Variants in AGMAT observed in about 807,000 individuals in gnomAD.
AGMAT encodes agmatinase (putative).
In AGMAT, 37 loss-of-function variants were observed where a neutral mutation model predicts 29.3. The observed-to-expected ratio is 1.26, with a 90% CI of 0.97 to 1.66. AGMAT has a LOEUF of 1.66. Ranked by LOEUF, AGMAT falls within the 40% of genes most tolerant of loss-of-function variation. AGMAT has a pLI of 0.00. For synonymous variants in AGMAT, 199 were observed against 200.8 expected, an observed-to-expected ratio of 0.99 and a Z score of 0.08; for missense variants, 498 against 497.8, an observed-to-expected ratio of 1.00 and a Z score of 0.00.
At chr1:15,578,056 T>C (rs1639063092) in intron 4 of AGMAT, among the ~76,000 whole-genome samples, 192 bp from the exon 5 acceptor site, 1 of 152,150 alleles carries the variant, frequency 6.6e-6, no homozygotes, top group Non-Finnish European at 1.5e-5. Flanking sequence ...AGCTGACTGA[T>C]GGAGTTGGAA....
At chr1:15,573,982 A>G (rs1367285248) in intron 6 of AGMAT, among the ~76,000 whole-genome samples, 1 of 152,220 alleles carries the variant, frequency 6.6e-6, no homozygotes, top group African/African-American at 2.4e-5. Context: ...AGGAGAACCT[A>G]TAATAATGAT....
intron 1 of AGMAT, 36 bp downstream of exon 1, chr1:15,584,657 CCCT>C: frequency 7.8e-7 from 1 of 1,277,032 alleles, no homozygotes; most frequent in Non-Finnish European, 9.9e-7. Flanking sequence ...AGCAAGCAGT[CCCT>C]CCACGTGTAC....
intron 4 of AGMAT, 47 bp downstream of exon 4, chr1:15,578,812 A>C (rs1471343810): frequency 6.3e-7 from 1 of 1,596,488 alleles, no homozygotes; most frequent in Admixed American, 1.7e-5. Context: ...GGCAACGGAG[A>C]GGAAGACATT....
chr1:15,574,703 C>G, intron 6 of AGMAT, 54 bp downstream of exon 6: 2 of 1,470,852 alleles, frequency 1.4e-6, no homozygotes, highest in South Asian at 1.1e-5. Flanking sequence ...TAACTAGCTT[C>G]GTGTAATTTA....
intron 6 of AGMAT, among the ~76,000 whole-genome samples, chr1:15,574,162 A>G (rs1454514694): frequency 6.6e-6 from 1 of 152,170 alleles, no homozygotes; most frequent in African/African-American, 2.4e-5. Flanking sequence ...GCAATGAAAC[A>G]TCAAAGGAGA....
intron 4 of AGMAT, 124 bp from the exon 5 acceptor site, chr1:15,577,988 T>C: frequency 1.1e-6 from 1 of 932,930 alleles, no homozygotes; most frequent in Non-Finnish European, 1.6e-6. Context: ...AAGAGGGAAC[T>C]ATCCTATTTT....
chr1:15,579,015 C>T lies in AGMAT; in HGVS notation c.564G>A (p.Thr188=), dbSNP rs1386126950. Residue 188 remains threonine (T), a synonymous_variant, in exon 4 of 7, where the codon ACG becomes ACA. Transcript: ENST00000375826. ...CTCCTAGGGCCTTGTCGGTCGTGTC[C>T]GTGTGCGCATCCACGTGCAGCAGCC... ...PVGLLHVDAH[T]DTTDKALGEK... The T allele has an allele frequency of 5.0e-6, 8 of 1,614,056 alleles. No individual in the cohort carries two copies. The highest frequency in any genetic ancestry group is 3.3e-5 in the South Asian group (3 of 91,072).
chr1:15,577,370 C>T (rs1475600898), intron 5 of AGMAT, among the ~76,000 whole-genome samples: 1 of 151,996 alleles, frequency 6.6e-6, no homozygotes, highest in Non-Finnish European at 1.5e-5. Context: ...ATCAGGAGTT[C>T]AAGACCAGCC....
chr1:15,581,597 G>A (rs955583649), intron 2 of AGMAT, among the ~76,000 whole-genome samples: 3 of 150,266 alleles, frequency 2.0e-5, no homozygotes, highest in East Asian at 2.0e-4. Context: ...AATTTAGGCC[G>A]GGCGTGGTGG....
At chr1:15,579,352 T>C (rs1311050684) in intron 3 of AGMAT, among the ~76,000 whole-genome samples, 1 of 152,068 alleles carries the variant, frequency 6.6e-6, no homozygotes, top group African/African-American at 2.4e-5. Context: ...ACAGGGGAGC[T>C]TGGCTGAAGG....
chr1:15,579,169 A>G (rs1470016778), intron 3 of AGMAT, 115 bp from the exon 4 acceptor site: 5 of 987,946 alleles, frequency 5.1e-6, no homozygotes, highest in Non-Finnish European at 7.4e-6. Context: ...GAGACCTGGC[A>G]TCCGTTTTCT....
chr1:15,580,071 G>A, intron 3 of AGMAT, 23 bp downstream of exon 3: 1 of 1,611,242 alleles, frequency 6.2e-7, no homozygotes, highest in South Asian at 1.1e-5. Flanking sequence ...AATCTTGCTG[G>A]GCCCAAGCCA....
intron 5 of AGMAT, 48 bp from the exon 6 acceptor site, chr1:15,574,889 T>G (rs1391258785): frequency 6.7e-7 from 1 of 1,487,564 alleles, no homozygotes; most frequent in Non-Finnish European, 9.4e-7. Context: ...TCATTTACAG[T>G]GAAAAGCACC....
Position 15,578,874 on chromosome 1 carries a change from T to C in AGMAT, c.705A>G (p.Arg235=), listed in dbSNP as rs1429457217. The part of the protein sequence containing the change: ...RGSSTTLDPY[R]YNRSQGFRVV... ...GGTCTGTCACCTGGCTCCGGTTGTATCTGTAGGGATCCAAGGTCGTGGAAG... is the reference window on the plus strand; with the variant it reads ...GGTCTGTCACCTGGCTCCGGTTGTACCTGTAGGGATCCAAGGTCGTGGAAG... Residue 235 remains arginine (R), a synonymous_variant, in exon 4 of 7, where the codon AGA becomes AGG. Transcript: ENST00000375826. The C allele has an allele frequency of 2.5e-6, 4 of 1,613,938 alleles. No homozygotes were observed. The African/African-American group carries it at 5.3e-5, about 22-fold the overall frequency.
In AGMAT at chr1:15,579,047, G is replaced by A; in HGVS notation, c.532C>T (p.Pro178Ser). The A allele has an allele frequency of 1.9e-6, 3 of 1,613,788 alleles. No homozygotes were observed. The highest frequency in any genetic ancestry group is 2.5e-6 in the Non-Finnish European group (3 of 1,179,922). The change falls in exon 4 of 7, where the codon CCA becomes TCA. Residue 178 changes from proline (P) to serine (S), a missense_variant. Coordinates refer to ENST00000375826, the MANE Select transcript of AGMAT (RefSeq NM_024758.5). ...ILQAMAKKHG[P>S]VGLLHVDAHT... Reference sequence around the variant, plus strand: ...GCATCCACGTGCAGCAGCCCCACTGGGCCATGCCTGATGACAACAGGGCAG... The same window carrying A: ...GCATCCACGTGCAGCAGCCCCACTGAGCCATGCCTGATGACAACAGGGCAG...
chr1:15,577,387 AC>A (rs1159518924), intron 5 of AGMAT, among the ~76,000 whole-genome samples: 4 of 152,134 alleles, frequency 2.6e-5, no homozygotes, highest in African/African-American at 9.6e-5. Flanking sequence ...AGCCTGACCA[AC>A]ATGGTGAAAC....
chr1:15,578,765 G>C (rs943305194), intron 4 of AGMAT, 94 bp downstream of exon 4: 1 of 1,375,892 alleles, frequency 7.3e-7, no homozygotes, highest in African/African-American at 1.4e-5. Flanking sequence ...GACTTGATTA[G>C]TAAAGCCCCC....
In AGMAT at chr1:15,573,631, T is replaced by C. The variant is rs370420853; in HGVS notation, c.*20A>G. On this transcript the variant is annotated 3_prime_UTR_variant, in exon 7 of 7. Transcript: ENST00000375826. The stretch of plus-strand genomic sequence containing the variant: ...AACTTGTCAGCGACGCAATCTGTTT[T>C]GTCTTGAAGAGCACAAGACTCAGAC... 8.7e-5 allele frequency: 141 copies of C among 1,611,576 alleles called. 1 individual carries two copies. In the Middle Eastern group the frequency reaches 1.2e-3, roughly 13 times the overall value.
rs1401460398 is a variant in AGMAT at position 15,579,074 on chromosome 1, T to C, written c.525-20A>G. 6.2e-7 allele frequency: 1 copy of C among 1,609,872 alleles called. No individual in the cohort carries two copies. The highest frequency in any genetic ancestry group is 2.2e-5 in the East Asian group (1 of 44,798). On this transcript the variant is annotated intron_variant, in intron 3 of 6. Transcript: ENST00000375826. ...CCATGCCTGATGACAACAGGGCAGC[T>C]CAGAGGCCAACCCTCCCTGTGGGGC...
Sources: gnomAD v4.1 joint callset for allele counts (sites outside exome capture counted in the v4.1 genomes callset) on GRCh38, gnomAD v4.1.1 for gene constraint, MANE v1.5 for transcripts, NCBI Gene and HGNC (gene_info 2026-07-23, HGNC 2026-07-21) for gene names.